The following DNAJC2 variants were observed in gnomAD, a reference collection of about 807,000 sequenced individuals.
DNAJC2 encodes dnaJ homolog subfamily C member 2.
DNAJC2 carries 32 observed loss-of-function variants against 94.0 expected under a neutral mutation model. That is an observed-to-expected ratio of 0.34 (90% CI 0.26 to 0.46). The LOEUF (loss-of-function observed/expected upper bound fraction) is 0.46, where lower values mean the gene tolerates loss of function less well. Ranked by LOEUF, DNAJC2 falls within the 20% of genes least tolerant of loss-of-function variation. The probability of loss-of-function intolerance (pLI) is 1.00; values close to 1 mark genes in which losing one functional copy is unlikely to be tolerated. For synonymous variants in DNAJC2, 210 were observed against 229.7 expected (o/e 0.91, Z 0.77); for missense variants, 550 against 719.5 (o/e 0.76, Z 2.69).
chr7:103,315,968 A>T lies in DNAJC2; in HGVS notation c.1528+20T>A. On this transcript the variant is annotated intron_variant, in intron 14 of 16. Coordinates refer to ENST00000379263, the MANE Select transcript of DNAJC2 (RefSeq NM_014377.3). The stretch of plus-strand genomic sequence containing the variant: ...TAAAAATAGGTGTTTAAAGTAACAA[A>T]TGGACTTCTCAAAACTCACCAAGTT... 2 of 1,577,174 alleles carry T rather than the reference A, an allele frequency of 1.3e-6. No individual in the cohort carries two copies. Among genetic ancestry groups the T allele is most frequent in the Non-Finnish European group, 1.7e-6 (2 of 1,157,422 alleles).
At chr7:103,333,734 G>A (rs957015101) in intron 3 of DNAJC2, among the ~76,000 whole-genome samples, 4 of 152,190 alleles carry the variant, frequency 2.6e-5, no homozygotes, top group Non-Finnish European at 5.9e-5. Context: ...TGAGCTTCAA[G>A]TAGATGTAAC....
chr7:103,326,481 C>T, intron 5 of DNAJC2, 62 bp downstream of exon 5: 2 of 1,533,644 alleles, frequency 1.3e-6, no homozygotes, highest in South Asian at 1.2e-5. Context: ...GAGCAGAAAC[C>T]TGGAAGACTA....
chr7:103,323,972 C>A (rs906681067), intron 6 of DNAJC2, among the ~76,000 whole-genome samples: 1 of 152,156 alleles, frequency 6.6e-6, no homozygotes, highest in Admixed American at 6.5e-5. Flanking sequence ...GAAGGTAACC[C>A]TAGTAGTGGT....
At chr7:103,316,699 A>G (rs531470517) in intron 13 of DNAJC2, 131 bp downstream of exon 13, 2 of 755,332 alleles carry the variant, frequency 2.6e-6, no homozygotes, top group South Asian at 3.6e-5. Flanking sequence ...CTCACTTTTC[A>G]CACTTTTCTG....
chr7:103,315,315 G>GCTCT (rs1409325467), intron 15 of DNAJC2, among the ~76,000 whole-genome samples: 5 of 151,830 alleles, frequency 3.3e-5, no homozygotes, highest in African/African-American at 1.2e-4. Context: ...TTTCATATTT[G>GCTCT]CTAATTATTT....
At position 103,312,585 on chromosome 7, in the gene DNAJC2, C is replaced by T; in HGVS notation, c.1850G>A (p.Ser617Asn). Residue 617 changes from serine to asparagine, a missense_variant, in exon 17 of 17, where the codon AGT becomes AAT. Ser to Asn is a conservative substitution (Grantham distance 46, BLOSUM62 1). Coordinates refer to ENST00000379263, the MANE Select transcript of DNAJC2 (RefSeq NM_014377.3). ...KAAQEQVLNA[S>N]RAKK Reference sequence around the variant, plus strand: ...CAAAGATTGTCATTTCTTGGCTCTACTTGCATTCAGCACTTGTTCTTGAGC... The same window carrying T: ...CAAAGATTGTCATTTCTTGGCTCTATTTGCATTCAGCACTTGTTCTTGAGC... 6.2e-7 allele frequency: 1 copy of T among 1,613,186 alleles called. No individual in the cohort carries two copies. Among genetic ancestry groups the T allele is most frequent in the Non-Finnish European group, 8.5e-7 (1 of 1,179,698 alleles).
At chr7:103,330,685 C>T (rs935156308) in intron 3 of DNAJC2, among the ~76,000 whole-genome samples, 1 of 148,288 alleles carries the variant, frequency 6.7e-6, no homozygotes, top group East Asian at 2.1e-4. Context: ...CTCCTGACCT[C>T]GTGATCTGCC....
intron 10 of DNAJC2, among the ~76,000 whole-genome samples, chr7:103,320,320 C>T (rs565383663): frequency 1.9e-4 from 29 of 151,844 alleles, no homozygotes; most frequent in Non-Finnish European, 3.4e-4. Flanking sequence ...GAACTCCTGA[C>T]CTTGTGATCC....
chr7:103,323,698 GAATA>G, intron 6 of DNAJC2, 35 bp from the exon 7 acceptor site: 1 of 1,317,372 alleles, frequency 7.6e-7, no homozygotes, highest in Non-Finnish European at 1.0e-6. Context: ...GATCAAGACA[GAATA>G]AATGAAAAAA....
intron 2 of DNAJC2, among the ~76,000 whole-genome samples, chr7:103,339,197 G>A (rs1260307581): frequency 6.6e-6 from 1 of 152,188 alleles, no homozygotes; most frequent in Admixed American, 6.5e-5. Context: ...TATAAGCTGT[G>A]TGTAAGCAGT....
In DNAJC2 at chr7:103,341,926, C is replaced by G; in HGVS notation, c.93G>C (p.Val31=). 6.2e-7 allele frequency: 1 copy of G among 1,607,896 alleles called. No homozygotes were observed. The highest frequency in any genetic ancestry group is 8.5e-7 in the Non-Finnish European group (1 of 1,177,766). Residue 31 remains valine, a synonymous_variant, in exon 2 of 17, where the codon GTG becomes GTC. Transcript: ENST00000379263. The part of the protein sequence containing the change: ...SASTLCQVEP[V]GRWFEAFVKR... ...TAACAAAAGCTTCAAACCATCTTCCCACAGGTTCAACTTGACAGAGTGTAG... is the reference window on the plus strand; with the variant it reads ...TAACAAAAGCTTCAAACCATCTTCCGACAGGTTCAACTTGACAGAGTGTAG...
At chr7:103,317,920 G>T (rs1039382226) in intron 12 of DNAJC2, among the ~76,000 whole-genome samples, 3 of 151,758 alleles carry the variant, frequency 2.0e-5, no homozygotes, top group Non-Finnish European at 4.4e-5. Flanking sequence ...CAAAGTGCTC[G>T]GATTATAGGC....
intron 5 of DNAJC2, among the ~76,000 whole-genome samples, chr7:103,325,890 A>T (rs1818677860): frequency 6.7e-6 from 1 of 149,984 alleles, no homozygotes; most frequent in South Asian, 2.1e-4. Context: ...TGAGTCAGAG[A>T]GTAGTATACC....
chr7:103,333,557 C>A (rs1819053331), intron 3 of DNAJC2, among the ~76,000 whole-genome samples: 1 of 152,210 alleles, frequency 6.6e-6, no homozygotes, highest in South Asian at 2.1e-4. Flanking sequence ...TCATTAAGTT[C>A]AGTGAGTTCT....
Position 103,313,930 on chromosome 7 carries a change from C to T in DNAJC2, c.1637-829G>A, listed in dbSNP as rs988535172. On this transcript the variant is annotated intron_variant, in intron 15 of 16. Transcript: ENST00000379263. ...TATGCAGTGACAACACAGACTAATA[C>T]TACCAGTAGCCTGACTACTACTAGA... The T allele has an allele frequency of 4.0e-5, 39 of 985,404 alleles. No individual in the cohort carries two copies. In the African/African-American group the frequency reaches 6.1e-4, roughly 15 times the overall value. The allele number at this position is 985,404 out of a possible 1,614,324, so 61.0% of individuals were successfully genotyped here. A position where few individuals can be genotyped will look rare whatever the true frequency, so the allele number is the denominator to read the frequency against.
At chr7:103,329,020 CT>C in intron 3 of DNAJC2, 1 of 1,266,932 alleles carries the variant, frequency 7.9e-7, no homozygotes, top group Non-Finnish European at 1.0e-6. Context: ...CGTGAACATC[CT>C]TTTACCACAG....
intron 3 of DNAJC2, 96 bp from the exon 4 acceptor site, chr7:103,327,850 A>G: frequency 2.9e-6 from 2 of 684,558 alleles, no homozygotes; most frequent in Non-Finnish European, 2.5e-6. Context: ...TAAGGCTAAT[A>G]TTAGAATCTT....
rs564445702 is a variant in DNAJC2 at position 103,331,021 on chromosome 7, C to T, written c.332-3267G>A. On this transcript the variant is annotated intron_variant, in intron 3 of 16. Transcript: ENST00000379263. ...TTGGCCAGGCTGGCATGCAATGGCA[C>T]AATCTTGGCTCACTGCAACCTCCAC... is the stretch of plus-strand genomic sequence containing the variant. Among the ~76,000 whole-genome samples the T allele has an allele frequency of 3.0e-3, 453 of 151,828 alleles. 1 individual carries two copies. The highest frequency in any genetic ancestry group is 4.8e-3 in the Non-Finnish European group (326 of 67,944).
intron 10 of DNAJC2, among the ~76,000 whole-genome samples, chr7:103,321,146 C>T (rs12705114): frequency 0.58 from 87,486 of 151,430 alleles, 27,394 homozygotes; most frequent in Middle Eastern, 0.78. Context: ...TGCAGTGAGC[C>T]GAGATGGCGC....
Sources: gnomAD v4.1 joint callset for allele counts (sites outside exome capture counted in the v4.1 genomes callset) on GRCh38, gnomAD v4.1.1 for gene constraint, MANE v1.5 for transcripts, NCBI Gene and HGNC (gene_info 2026-07-23, HGNC 2026-07-21) for gene names.